Variants in ACACA observed in about 807,000 individuals in gnomAD.
ACACA encodes acetyl-CoA carboxylase 1.
In ACACA, 103 loss-of-function variants were observed where a neutral mutation model predicts 296.1. The observed-to-expected ratio is 0.35, with a 90% CI of 0.30 to 0.41. ACACA has a LOEUF of 0.41. ACACA is among the 10% of genes least tolerant of loss of function. The pLI is 1.00. For synonymous variants in ACACA, 953 were observed against 1,038.6 expected (o/e 0.92, Z 1.58); for missense variants, 1,554 against 2,989.7 (o/e 0.52, Z 11.20).
intron 10 of ACACA, among the ~76,000 whole-genome samples, chr17:37,269,773 A>G (rs2081985558): frequency 6.6e-6 from 1 of 151,936 alleles, no homozygotes. Flanking sequence ...GAAAAAAAAA[A>G]AAAAGCGAAA....
chr17:37,157,755 C>A (rs934644121), intron 42 of ACACA, among the ~76,000 whole-genome samples: 1 of 151,868 alleles, frequency 6.6e-6, no homozygotes, highest in Admixed American at 6.6e-5. Flanking sequence ...AGGCTGTTCT[C>A]GAACTCCTGA....
At chr17:37,349,438 TATAG>T (rs1464034607) in intron 1 of ACACA, among the ~76,000 whole-genome samples, 1 of 147,966 alleles carries the variant, frequency 6.8e-6, no homozygotes, top group African/African-American at 2.5e-5. Context: ...ATATCTTACA[TATAG>T]ATAAGATATA....
chr17:37,308,923 A>T (rs934815249), intron 3 of ACACA, among the ~76,000 whole-genome samples: 4 of 152,120 alleles, frequency 2.6e-5, no homozygotes, highest in Non-Finnish European at 4.4e-5. Flanking sequence ...ATAAAATAAA[A>T]ATGAAAATGG....
At position 37,086,309 on chromosome 17, in the gene ACACA, C is replaced by T. The variant is rs2142402721; in HGVS notation, c.*1007G>A. ...AACTAGGGAAGAGTGAGTGTGGAGG[C>T]ACCATTAACCTCTCAAAACCATCCA... On this transcript the variant is annotated 3_prime_UTR_variant, in exon 56 of 56. Transcript: ENST00000616317. 6.5e-6 allele frequency: 1 copy of T among 153,128 alleles called. No homozygotes were observed. The highest frequency in any genetic ancestry group is 1.9e-4 in the East Asian group (1 of 5,202). The allele number at this position is 153,128 out of a possible 1,614,324, so 9.5% of individuals were successfully genotyped here.
At chr17:37,295,182 A>T (rs1567956893) in intron 3 of ACACA, among the ~76,000 whole-genome samples, 1 of 152,202 alleles carries the variant, frequency 6.6e-6, no homozygotes, top group Non-Finnish European at 1.5e-5. Context: ...ACAACTGGAA[A>T]AGATAGAAAG....
At chr17:37,161,760 G>C in intron 42 of ACACA, 21 bp downstream of exon 42, 4 of 1,606,074 alleles carry the variant, frequency 2.5e-6, no homozygotes, top group Non-Finnish European at 3.4e-6. Flanking sequence ...CCTTGAAGTA[G>C]TATATGCTCT....
chr17:37,164,936 C>G (rs996171696), intron 41 of ACACA, among the ~76,000 whole-genome samples: 1 of 152,134 alleles, frequency 6.6e-6, no homozygotes, highest in Non-Finnish European at 1.5e-5. Flanking sequence ...AAATAATACT[C>G]TTATCTTTCA....
In ACACA at chr17:37,243,227, A is replaced by G. The variant is rs2080508540; in HGVS notation, c.2931+144T>C. 3 of 822,780 alleles carry G rather than the reference A, an allele frequency of 3.6e-6. No homozygotes were observed. The East Asian group carries it at 7.9e-5, about 22-fold the overall frequency. The allele number at this position is 822,780 out of a possible 1,614,324, so 51.0% of individuals were successfully genotyped here. A position where few individuals can be genotyped will look rare whatever the true frequency, so the allele number is the denominator to read the frequency against. ...CTTTCACTGTTGGGTTTGTACCCTG[A>G]GGCAGTTTTGTGAGGAATACAATGC... On this transcript the variant is annotated intron_variant, in intron 22 of 55. Coordinates refer to ENST00000616317, the MANE Select transcript of ACACA (RefSeq NM_198834.3).
At chr17:37,193,319 G>A (rs1567793161) in intron 36 of ACACA, 55 bp downstream of exon 36, 2 of 1,362,710 alleles carry the variant, frequency 1.5e-6, no homozygotes, top group Admixed American at 1.7e-5. Context: ...GCCGCTCTTG[G>A]GCTTTTAAGA....
intron 1 of ACACA, among the ~76,000 whole-genome samples, chr17:37,356,703 A>T (rs2049158730): frequency 6.6e-6 from 1 of 152,124 alleles, no homozygotes. Context: ...AATCTTTAAG[A>T]ACATGTTAGA....
intron 1 of ACACA, among the ~76,000 whole-genome samples, chr17:37,362,696 C>A (rs766917921): frequency 6.6e-6 from 1 of 152,136 alleles, no homozygotes; most frequent in Non-Finnish European, 1.5e-5. Context: ...GTGCGCCAGG[C>A]GCGGTGGCTC....
At chr17:37,098,016 T>C in intron 52 of ACACA, 32 bp from the exon 53 acceptor site, 2 of 1,614,004 alleles carry the variant, frequency 1.2e-6, no homozygotes, top group Admixed American at 1.7e-5. Flanking sequence ...CGTCACACTC[T>C]GTAATGACCA....
chr17:37,185,527 A>T (rs2077498675), intron 39 of ACACA, among the ~76,000 whole-genome samples: 1 of 149,192 alleles, frequency 6.7e-6, no homozygotes, highest in African/African-American at 2.5e-5. Flanking sequence ...CTGGGATTAC[A>T]GGTATGAGCC....
intron 1 of ACACA, among the ~76,000 whole-genome samples, chr17:37,372,897 G>A (rs546654147): frequency 8.0e-4 from 121 of 151,340 alleles, no homozygotes; most frequent in African/African-American, 2.9e-3. Flanking sequence ...TTTTGGTGGG[G>A]GAGGATGGAG....
At chr17:37,325,248 C>G (rs1018547231) in intron 3 of ACACA, among the ~76,000 whole-genome samples, 2 of 150,506 alleles carry the variant, frequency 1.3e-5, no homozygotes, top group Non-Finnish European at 3.0e-5. Flanking sequence ...CACCTGTAAT[C>G]GCAGCTACTT....
Position 37,242,042 on chromosome 17 carries a change from G to A in ACACA, c.2943C>T (p.Ile981=), listed in dbSNP as rs1567868300. ...TCAATGTAGCTGCATGGCTATCTAGGATGTTTGCAATCTAAGGTATAAAAA... is the reference window on the plus strand; with the variant it reads ...TCAATGTAGCTGCATGGCTATCTAGAATGTTTGCAATCTAAGGTATAAAAA... ...CQFPSQQIAN[I]LDSHAATLNR... The change falls in exon 23 of 56, where the codon ATC becomes ATT. Residue 981 remains isoleucine (I), a synonymous_variant. Transcript: ENST00000616317. The A allele has an allele frequency of 6.2e-7, 1 of 1,613,692 alleles. No individual in the cohort carries two copies. The highest frequency in any genetic ancestry group is 8.5e-7 in the Non-Finnish European group (1 of 1,179,884).
chr17:37,174,178 CTTTAA>C (rs2077021441), intron 41 of ACACA, among the ~76,000 whole-genome samples: 1 of 149,410 alleles, frequency 6.7e-6, no homozygotes, highest in Admixed American at 6.6e-5. Context: ...AGTCTTTAAA[CTTTAA>C]TTTACACTAC....
intron 3 of ACACA, chr17:37,328,779 T>C: frequency 5.0e-6 from 2 of 397,930 alleles, no homozygotes; most frequent in Admixed American, 4.4e-5. Flanking sequence ...CCCTAACTTA[T>C]GTTATCTAGG....
At chr17:37,246,734 C>T in intron 19 of ACACA, 92 bp downstream of exon 19, 1 of 1,532,782 alleles carries the variant, frequency 6.5e-7, no homozygotes, top group Non-Finnish European at 8.9e-7. Context: ...TGCCCAGCCT[C>T]CTTTCTGTAA....
Sources: gnomAD v4.1 joint callset for allele counts (sites outside exome capture counted in the v4.1 genomes callset) on GRCh38, gnomAD v4.1.1 for gene constraint, MANE v1.5 for transcripts, NCBI Gene and HGNC (gene_info 2026-07-23, HGNC 2026-07-21) for gene names.